SELPLG: variants seen among roughly 807,000 people sequenced by gnomAD.
The protein encoded by SELPLG is selectin P ligand, also known as P-selectin glycoprotein ligand 1.
In SELPLG, 2 loss-of-function variants were observed where a neutral mutation model predicts 1.1. The observed-to-expected ratio is 1.82, with a 90% confidence interval of 0.74 to 5.71. SELPLG has a LOEUF of 5.71. SELPLG is among the 30% of genes most tolerant of loss of function. SELPLG has a pLI of 0.05. For synonymous variants in SELPLG, 230 were observed against 221.2 expected, an observed-to-expected ratio of 1.04 and a Z score of -0.35; for missense variants, 478 against 524.7, an observed-to-expected ratio of 0.91 and a Z score of 0.87.
chr12:108,626,015 C>G (rs1385581997), intron 1 of SELPLG, among the ~76,000 whole-genome samples: 1 of 152,130 alleles, frequency 6.6e-6, no homozygotes, highest in African/African-American at 2.4e-5. Flanking sequence ...GAGGAACGAA[C>G]AGTTGCTCAT....
rs368817681 is a variant in SELPLG at position 108,624,138 on chromosome 12, G to A, written c.170C>T (p.Thr57Met). ...EYLDYDFLPE[T>M]EPPEMLRNST... ...GTTCCTCAGCATTTCTGGAGGCTCC[G>A]TTTCTGGCAGGAAATCATAATCTAG... Residue 57 changes from threonine (T) to methionine (M), a missense_variant, in exon 2 of 2, where the codon ACG becomes ATG. Coordinates refer to ENST00000550948, the MANE Select transcript of SELPLG (RefSeq NM_003006.4). 8 of 1,614,174 alleles carry A rather than the reference G, an allele frequency of 5.0e-6. No homozygotes were observed. Among genetic ancestry groups the A allele is most frequent in the African/African-American group, 1.3e-5 (1 of 75,038 alleles).
Position 108,623,669 on chromosome 12 carries a change from G to A in SELPLG, c.639C>T (p.Thr213=), listed in dbSNP as rs913446499. ...GTGCCTCCATGGCTGCTGGTGGAGT[G>A]GTCTGTGCTTCCATGGCTGCTGGTG... ...TTAPAAMEAQ[T]TPPAAMEAQT... is the part of the protein sequence containing the mutation. The change falls in exon 2 of 2, where the codon ACC becomes ACT. Residue 213 remains threonine (T), a synonymous_variant. Coordinates refer to ENST00000550948, the MANE Select transcript of SELPLG (RefSeq NM_003006.4). 6.6e-7 allele frequency: 1 copy of A among 1,523,176 alleles called. No homozygotes were observed. The highest frequency in any genetic ancestry group is 8.7e-7 in the Non-Finnish European group (1 of 1,144,890). The allele number at this position is 1,523,176 out of a possible 1,614,324, so 94.4% of individuals were successfully genotyped here.
At chr12:108,631,632 A>AT (rs890567687) in intron 1 of SELPLG, among the ~76,000 whole-genome samples, 7 of 151,980 alleles carry the variant, frequency 4.6e-5, no homozygotes, top group Non-Finnish European at 8.8e-5. Flanking sequence ...GTTAGTTGAG[A>AT]TTTTTTTGTT....
Position 108,622,927 on chromosome 12 carries a change from G to T in SELPLG, c.*142C>A. On this transcript the variant is annotated 3_prime_UTR_variant, in exon 2 of 2. Coordinates refer to ENST00000550948, the MANE Select transcript of SELPLG (RefSeq NM_003006.4). ...CAGGCTGCTCTTGTCCTGTTTGGGT[G>T]GCCAGAGTTCCTTCCCTGAAGATCC... 1 of 847,756 alleles carries T rather than the reference G, an allele frequency of 1.2e-6. No homozygotes were observed. Among genetic ancestry groups the T allele is most frequent in the Non-Finnish European group, 1.7e-6 (1 of 580,542 alleles). 52.5% of individuals were successfully genotyped at this position (847,756 alleles called of 1,614,324 possible).
rs1194248537 is a variant in SELPLG at position 108,623,833 on chromosome 12, T to C, written c.475A>G (p.Thr159Ala). The change falls in exon 2 of 2, where the codon ACG becomes GCG. Residue 159 changes from threonine (T) to alanine (A), a missense_variant. Thr to Ala is a moderately conservative substitution (Grantham distance 58). Transcript: ENST00000550948. Reference protein sequence around the residue: ...TEAQTTRLTATEAQTTPLAAT... With the variant: ...TEAQTTRLTAAEAQTTPLAAT... The stretch of plus-strand genomic sequence containing the variant: ...GCCAGTGGAGTGGTCTGTGCCTCCG[T>C]GGCCGTCAGTCGAGTTGTCTGTGCC... The C allele has an allele frequency of 6.3e-7, 1 of 1,586,448 alleles. No homozygotes were observed. The highest frequency in any genetic ancestry group is 8.6e-7 in the Non-Finnish European group (1 of 1,165,994).
chr12:108,632,860 A>G (rs1301176107), intron 1 of SELPLG, among the ~76,000 whole-genome samples: 1 of 152,188 alleles, frequency 6.6e-6, no homozygotes, highest in Non-Finnish European at 1.5e-5. Context: ...CCTTTTGCTA[A>G]CAATAGTATC....
Position 108,622,196 on chromosome 12 carries a change from C to G in SELPLG, c.*873G>C, listed in dbSNP as rs1274361994. On this transcript the variant is annotated 3_prime_UTR_variant, in exon 2 of 2. Coordinates refer to ENST00000550948, the MANE Select transcript of SELPLG (RefSeq NM_003006.4). Reference sequence around the variant, plus strand: ...GGGCAGACAGCTGAGGACCAGCCCCCATCCTGCACTGAGGGATGGAGAATT... The same window carrying G: ...GGGCAGACAGCTGAGGACCAGCCCCGATCCTGCACTGAGGGATGGAGAATT... The G allele has an allele frequency of 6.6e-6, 1 of 152,278 alleles. No homozygotes were observed. Among genetic ancestry groups the G allele is most frequent in the Non-Finnish European group, 1.5e-5 (1 of 68,074 alleles). 9.4% of individuals were successfully genotyped at this position (152,278 alleles called of 1,614,324 possible). A position where few individuals can be genotyped will look rare whatever the true frequency, so the allele number is the denominator to read the frequency against.
rs1481534213 is a variant in SELPLG at position 108,623,456 on chromosome 12, T to A, written c.852A>T (p.Ile284=). 3 of 1,614,178 alleles carry A rather than the reference T, an allele frequency of 1.9e-6. No homozygotes were observed. Among genetic ancestry groups the A allele is most frequent in the Middle Eastern group, 1.6e-4 (1 of 6,062 alleles). The part of the protein sequence containing the change: ...MEPTTKRGLF[I]PFSVSSVTHK... ...GAGTAACAGAGGACACAGAAAAGGG[T>A]ATGAACAGACCTCTTTTGGTAGTAG... Residue 284 remains isoleucine, a synonymous_variant, in exon 2 of 2, where the codon ATA becomes ATT. Coordinates refer to ENST00000550948, the MANE Select transcript of SELPLG (RefSeq NM_003006.4).
rs751915183 is a variant in SELPLG at position 108,623,006 on chromosome 12, C to T, written c.*63G>A. 9.1e-6 allele frequency: 13 copies of T among 1,430,172 alleles called. No individual in the cohort carries two copies. The highest frequency in any genetic ancestry group is 1.4e-5 in the African/African-American group (1 of 69,358). The allele number at this position is 1,430,172 out of a possible 1,614,324, so 88.6% of individuals were successfully genotyped here. On this transcript the variant is annotated 3_prime_UTR_variant, in exon 2 of 2. Coordinates refer to ENST00000550948, the MANE Select transcript of SELPLG (RefSeq NM_003006.4). ...AGAGCTGTGGAATGGGGTCTGGGCACTCAGGGGTGGCCCAGGAGAGCCCGT... is the reference window on the plus strand; with the variant it reads ...AGAGCTGTGGAATGGGGTCTGGGCATTCAGGGGTGGCCCAGGAGAGCCCGT...
In SELPLG at chr12:108,623,996, C is replaced by T. The variant is rs367989066; in HGVS notation, c.312G>A (p.Thr104=). ...ACAGGTTCCCCATGTTGGCCAGCTCCGTGGTCAGCTCTGTGACTGCCCCTC... is the reference window on the plus strand; with the variant it reads ...ACAGGTTCCCCATGTTGGCCAGCTCTGTGGTCAGCTCTGTGACTGCCCCTC... The part of the protein sequence containing the change: ...DAGGAVTELT[T]ELANMGNLST... Residue 104 remains threonine, a synonymous_variant, in exon 2 of 2, where the codon ACG becomes ACA. Transcript: ENST00000550948. 98 of 1,614,070 alleles carry T rather than the reference C, an allele frequency of 6.1e-5. No individual in the cohort carries two copies. The highest frequency in any genetic ancestry group is 4.8e-4 in the African/African-American group (36 of 74,924).
At chr12:108,627,935 C>T (rs986591645) in intron 1 of SELPLG, among the ~76,000 whole-genome samples, 45 of 152,086 alleles carry the variant, frequency 3.0e-4, no homozygotes, top group African/African-American at 9.4e-4. Context: ...AAAAAATTAG[C>T]CAGGAGTGGT....
chr12:108,625,141 G>A (rs755379715), intron 1 of SELPLG, among the ~76,000 whole-genome samples: 7 of 152,046 alleles, frequency 4.6e-5, no homozygotes, highest in South Asian at 2.1e-4. Flanking sequence ...CCCAGATACC[G>A]CTGCTTATTG....
chr12:108,632,113 C>G lies in SELPLG; in HGVS notation c.-6+1627G>C, dbSNP rs544712008. On this transcript the variant is annotated intron_variant, in intron 1 of 1. Coordinates refer to ENST00000550948, the MANE Select transcript of SELPLG (RefSeq NM_003006.4). ...GCTCCTCTGAATGCCCCACTCTGGG[C>G]CCAGCCTAGCAACCCAGCCCTTCCG... 2.0e-5 allele frequency: 12 copies of G among 607,364 alleles called. No homozygotes were observed. The East Asian group carries it at 2.8e-4, about 14-fold the overall frequency. 37.6% of individuals were successfully genotyped at this position (607,364 alleles called of 1,614,324 possible).
At chr12:108,632,187 G>A in intron 1 of SELPLG, 1 of 470,082 alleles carries the variant, frequency 2.1e-6, no homozygotes, top group Non-Finnish European at 3.8e-6. Flanking sequence ...TGCTGAGGGA[G>A]GCATCAACCA....
At position 108,624,175 on chromosome 12, in the gene SELPLG, C is replaced by T. The variant is rs372642040; in HGVS notation, c.133G>A (p.Glu45Lys). ...LLARDRRQAT[E>K]YEYLDYDFLP... ...AAATCATAATCTAGGTACTCATATTCGGTGGCCTGTCTCCGGTCCCGGGCA... is the reference window on the plus strand; with the variant it reads ...AAATCATAATCTAGGTACTCATATTTGGTGGCCTGTCTCCGGTCCCGGGCA... The change falls in exon 2 of 2, where the codon GAA (glutamate) becomes AAA (lysine). Residue 45 changes from glutamate (E) to lysine (K), a missense_variant. Transcript: ENST00000550948. 20 of 1,614,038 alleles carry T rather than the reference C, an allele frequency of 1.2e-5. No homozygotes were observed. Among genetic ancestry groups the T allele is most frequent in the Admixed American group, 8.3e-5 (5 of 59,998 alleles).
Position 108,622,698 on chromosome 12 carries a change from A to G in SELPLG, c.*371T>C, listed in dbSNP as rs2031843674. 4.5e-6 allele frequency: 1 copy of G among 223,098 alleles called. No individual in the cohort carries two copies. Among genetic ancestry groups the G allele is most frequent in the Non-Finnish European group, 8.9e-6 (1 of 112,922 alleles). The allele number at this position is 223,098 out of a possible 1,614,324, so 13.8% of individuals were successfully genotyped here. A position where few individuals can be genotyped will look rare whatever the true frequency, so the allele number is the denominator to read the frequency against. ...GGGGAGCTCCATCTTCCTTGGGTAC[A>G]TGGGGAGGAGACTCCAGTGACCAGG... On this transcript the variant is annotated 3_prime_UTR_variant, in exon 2 of 2. Coordinates refer to ENST00000550948, the MANE Select transcript of SELPLG (RefSeq NM_003006.4).
At chr12:108,630,507 GCA>G in intron 1 of SELPLG, among the ~76,000 whole-genome samples, 2 of 152,286 alleles carry the variant, frequency 1.3e-5, no homozygotes, top group East Asian at 3.9e-4. Context: ...GATAACTGAG[GCA>G]CAGGCAGCAG....
At chr12:108,631,859 C>T (rs2032061726) in intron 1 of SELPLG, 2 of 1,531,184 alleles carry the variant, frequency 1.3e-6, no homozygotes, top group Admixed American at 2.0e-5. Context: ...ACACACACAC[C>T]AGCCATCTTA....
Position 108,622,729 on chromosome 12 carries a change from CG to C in SELPLG, c.*339del. Reference sequence around the variant, plus strand: ...AGGAGACTCCAGTGACCAGGAGAAGCGGGGAGAGCCATGGGAGATGTTAGAG... The same window carrying C: ...AGGAGACTCCAGTGACCAGGAGAAGCGGGAGAGCCATGGGAGATGTTAGAG... On this transcript the variant is annotated 3_prime_UTR_variant, in exon 2 of 2. Coordinates refer to ENST00000550948, the MANE Select transcript of SELPLG (RefSeq NM_003006.4). The C allele has an allele frequency of 3.8e-6, 1 of 266,122 alleles. No homozygotes were observed. Among genetic ancestry groups the C allele is most frequent in the East Asian group, 7.0e-5 (1 of 14,374 alleles). 16.5% of individuals were successfully genotyped at this position (266,122 alleles called of 1,614,324 possible). A position where few individuals can be genotyped will look rare whatever the true frequency, so the allele number is the denominator to read the frequency against.
Sources: gnomAD v4.1 joint callset for allele counts (sites outside exome capture counted in the v4.1 genomes callset) on GRCh38, gnomAD v4.1.1 for gene constraint, MANE v1.5 for transcripts, NCBI Gene and HGNC (gene_info 2026-07-23, HGNC 2026-07-21) for gene names.